DAB1: variants seen among roughly 807,000 people sequenced by gnomAD.
DAB1 encodes the protein disabled homolog 1.
In DAB1, 15 loss-of-function variants were observed where a neutral mutation model predicts 64.6. The ratio of observed to expected loss-of-function variants is 0.23; its 90% confidence interval spans 0.16 to 0.36. DAB1 has a LOEUF of 0.36. Ranked by LOEUF, DAB1 falls within the 10% of genes least tolerant of loss-of-function variation. The pLI, the probability that DAB1 is intolerant of heterozygous loss-of-function variation, is 1.00. For missense variants in DAB1, 596 were observed against 706.7 expected, an observed-to-expected ratio of 0.84 and a Z score of 1.78; for synonymous variants, 235 against 251.9, an observed-to-expected ratio of 0.93 and a Z score of 0.64.
exon 5 of DAB1, chr1:58,150,554 A>G (rs1237406331): frequency 1.3e-5 from 2 of 151,362 alleles, no homozygotes; most frequent in Non-Finnish European, 1.5e-5. Flanking sequence ...AAGGCAGTGA[A>G]TTTGCATTTA....
intron 9 of DAB1, among the ~76,000 whole-genome samples, chr1:57,043,621 C>T (rs1481148919): frequency 9.2e-5 from 14 of 152,152 alleles, no homozygotes; most frequent in Non-Finnish European, 1.5e-4. Flanking sequence ...CTGAGGCGGG[C>T]GGATCACCTG....
chr1:58,211,564 T>A (rs964559194), intron 4 of DAB1, among the ~76,000 whole-genome samples: 2 of 152,106 alleles, frequency 1.3e-5, no homozygotes, highest in Non-Finnish European at 1.5e-5. Flanking sequence ...AAAGAGAAGG[T>A]TAATACAAAG....
chr1:57,730,237 G>A (rs1311166437), intron 6 of DAB1, among the ~76,000 whole-genome samples: 1 of 152,160 alleles, frequency 6.6e-6, no homozygotes, highest in African/African-American at 2.4e-5. Context: ...CTTGTACACA[G>A]CCCAGAAAGA....
chr1:57,916,430 A>G (rs1644727983), intron 5 of DAB1, among the ~76,000 whole-genome samples: 1 of 152,238 alleles, frequency 6.6e-6, no homozygotes, highest in African/African-American at 2.4e-5. Context: ...ATCAAGGATA[A>G]GTTTATAGCT....
chr1:57,110,957 G>T (rs189314373), intron 4 of DAB1, among the ~76,000 whole-genome samples: 101 of 151,580 alleles, frequency 6.7e-4, no homozygotes, highest in Admixed American at 1.4e-3. Context: ...TATATAAACA[G>T]AAATATATAT....
At chr1:58,199,142 G>A (rs1021856033) in intron 4 of DAB1, among the ~76,000 whole-genome samples, 1 of 152,026 alleles carries the variant, frequency 6.6e-6, no homozygotes, top group Non-Finnish European at 1.5e-5. Flanking sequence ...TACTGGAACT[G>A]CCTGCAGTCC....
At chr1:57,812,882 C>G (rs1009503705) in intron 6 of DAB1, among the ~76,000 whole-genome samples, 1 of 152,180 alleles carries the variant, frequency 6.6e-6, no homozygotes, top group Admixed American at 6.5e-5. Context: ...AGAACATGAA[C>G]TTCCCCTTGT....
At chr1:58,090,854 G>A (rs1200719469) in intron 5 of DAB1, among the ~76,000 whole-genome samples, 1 of 152,188 alleles carries the variant, frequency 6.6e-6, no homozygotes, top group East Asian at 1.9e-4. Context: ...TGTCAAGGAA[G>A]CTTTCCTGGC....
At chr1:57,910,793 G>A (rs1329834377) in intron 5 of DAB1, among the ~76,000 whole-genome samples, 1 of 152,188 alleles carries the variant, frequency 6.6e-6, no homozygotes, top group East Asian at 1.9e-4. Context: ...CATTATCGAT[G>A]TTTCCAGAGG....
chr1:57,628,824 C>T (rs1645953712), intron 7 of DAB1, among the ~76,000 whole-genome samples: 1 of 152,190 alleles, frequency 6.6e-6, no homozygotes, highest in Admixed American at 6.5e-5. Context: ...TTACTCTTCT[C>T]ATTTCCAGTT....
At chr1:57,766,634 C>T (rs1269552838) in intron 6 of DAB1, among the ~76,000 whole-genome samples, 1 of 152,126 alleles carries the variant, frequency 6.6e-6, no homozygotes, top group Admixed American at 6.5e-5. Flanking sequence ...ATGGGTGTTT[C>T]CCTCACACCA....
chr1:58,281,930 C>T (rs907240776), intron 4 of DAB1, among the ~76,000 whole-genome samples: 1 of 152,074 alleles, frequency 6.6e-6, no homozygotes, highest in Admixed American at 6.6e-5. Flanking sequence ...CTACCACCGC[C>T]ATCATCACCA....
At chr1:57,520,596 G>A (rs1644514295) in intron 7 of DAB1, among the ~76,000 whole-genome samples, 1 of 152,080 alleles carries the variant, frequency 6.6e-6, no homozygotes, top group Non-Finnish European at 1.5e-5. Context: ...TGAAAAAAAT[G>A]TCTATTAGAC....
intron 6 of DAB1, among the ~76,000 whole-genome samples, chr1:57,655,354 A>G (rs994928373): frequency 2.0e-5 from 3 of 151,956 alleles, no homozygotes; most frequent in Non-Finnish European, 2.9e-5. Flanking sequence ...TCAATCATCC[A>G]TCCATCTAAC....
intron 1 of DAB1, among the ~76,000 whole-genome samples, chr1:57,394,682 A>T (rs1682661876): frequency 6.6e-6 from 1 of 152,232 alleles, no homozygotes; most frequent in Admixed American, 6.5e-5. Context: ...CTATAAGAAC[A>T]GGGAGCATTT....
intron 4 of DAB1, among the ~76,000 whole-genome samples, chr1:58,305,985 C>A (rs944439811): frequency 4.0e-5 from 6 of 151,870 alleles, no homozygotes; most frequent in Admixed American, 2.6e-4. Flanking sequence ...AGCACCCCCC[C>A]ACCCCCCTCC....
intron 4 of DAB1, among the ~76,000 whole-genome samples, chr1:58,236,278 A>G (rs1437144606): frequency 6.6e-6 from 1 of 152,160 alleles, no homozygotes; most frequent in African/African-American, 2.4e-5. Context: ...CCATGCATAC[A>G]GCCCCAGGTG....
chr1:58,208,742 T>G (rs1183906908), intron 4 of DAB1, among the ~76,000 whole-genome samples: 7 of 152,198 alleles, frequency 4.6e-5, no homozygotes, highest in African/African-American at 1.7e-4. Context: ...ATGGTGCTGC[T>G]ACAAACGTGC....
At chr1:57,759,044 G>C (rs1230244738) in intron 6 of DAB1, among the ~76,000 whole-genome samples, 2 of 152,138 alleles carry the variant, frequency 1.3e-5, no homozygotes, top group African/African-American at 4.8e-5. Context: ...TGTTGTTGCT[G>C]CTATTATGTT....
Sources: gnomAD v4.1 joint callset for allele counts (sites outside exome capture counted in the v4.1 genomes callset) on GRCh38, gnomAD v4.1.1 for gene constraint, MANE v1.5 for transcripts, NCBI Gene and HGNC (gene_info 2026-07-23, HGNC 2026-07-21) for gene names.